Variants in RND2 observed in about 807,000 individuals in gnomAD.
RND2 encodes rho-related GTP-binding protein RhoN.
In RND2, 16 loss-of-function variants were observed where a neutral mutation model predicts 25.9. The ratio of observed to expected loss-of-function variants is 0.62; its 90% CI spans 0.42 to 0.94. The LOEUF (loss-of-function observed/expected upper bound fraction) is 0.94, where lower values mean the gene tolerates loss of function less well. Among genes scored for constraint, RND2 ranks in the 40% least tolerant of loss-of-function variants. The pLI is 0.00. For missense variants in RND2, 276 were observed against 305.5 expected, an observed-to-expected ratio of 0.90 and a Z score of 0.72; for synonymous variants, 97 against 118.1, an observed-to-expected ratio of 0.82 and a Z score of 1.16.
chr17:43,025,285 G>A lies in RND2; in HGVS notation c.-63G>A. 1 of 1,409,180 alleles carries A rather than the reference G, an allele frequency of 7.1e-7. No individual in the cohort carries two copies. Among genetic ancestry groups the A allele is most frequent in the African/African-American group, 1.5e-5 (1 of 67,334 alleles). 87.3% of individuals were successfully genotyped at this position (1,409,180 alleles called of 1,614,324 possible). ...CCCGAGCGGCTGCAGTTGCAGGGGC[G>A]GGGGAGGCGGCGGCGGGGCCCGGGA... On this transcript the variant is annotated 5_prime_UTR_variant, in exon 1 of 5. Coordinates refer to ENST00000587250, the MANE Select transcript of RND2 (RefSeq NM_005440.5).
In RND2 at chr17:43,028,278, C is replaced by T. The variant is rs1157462037; in HGVS notation, c.435+83C>T. The T allele has an allele frequency of 6.9e-6, 11 of 1,597,018 alleles. No homozygotes were observed. In the East Asian group the frequency reaches 2.2e-4, roughly 32 times the overall value. ...AGTCTCTGATTTGAAAACACCTTAC[C>T]TGGCTCATCCTTTGTTCTGGTCTGT... is the stretch of plus-strand genomic sequence containing the variant. On this transcript the variant is annotated intron_variant, in intron 4 of 4. Coordinates refer to ENST00000587250, the MANE Select transcript of RND2 (RefSeq NM_005440.5).
rs191559597 is a variant in RND2 at position 43,030,402 on chromosome 17, A to C, written c.*1722A>C. ...TAGCCCATTCCTCCCTCATTCATTCATTCAGCAAGTATGTACTGAACACCA... is the reference window on the plus strand; with the variant it reads ...TAGCCCATTCCTCCCTCATTCATTCCTTCAGCAAGTATGTACTGAACACCA... On this transcript the variant is annotated 3_prime_UTR_variant, in exon 5 of 5. Coordinates refer to ENST00000587250, the MANE Select transcript of RND2 (RefSeq NM_005440.5). 3.3e-4 allele frequency: 51 copies of C among 152,830 alleles called. No individual in the cohort carries two copies. Among genetic ancestry groups the C allele is most frequent in the African/African-American group, 9.4e-4 (39 of 41,544 alleles). The allele number at this position is 152,830 out of a possible 1,614,324, so 9.5% of individuals were successfully genotyped here.
In RND2 at chr17:43,028,056, C is replaced by A. The variant is rs746055832; in HGVS notation, c.301-5C>A. On this transcript the variant is annotated splice_polypyrimidine_tract_variant and splice_region_variant and intron_variant, in intron 3 of 4. Coordinates refer to ENST00000587250, the MANE Select transcript of RND2 (RefSeq NM_005440.5). ...TCCACAATTCTCTTTTCTTCTCCTACATAGTGGCAAGGAGAGACTCAAGAG... is the reference window on the plus strand; with the variant it reads ...TCCACAATTCTCTTTTCTTCTCCTAAATAGTGGCAAGGAGAGACTCAAGAG... The A allele has an allele frequency of 2.5e-6, 4 of 1,612,690 alleles. No homozygotes were observed. Among genetic ancestry groups the A allele is most frequent in the Non-Finnish European group, 3.4e-6 (4 of 1,179,366 alleles).
intron 2 of RND2, 64 bp from the exon 3 acceptor site, chr17:43,027,119 A>G: frequency 3.1e-6 from 3 of 979,830 alleles, no homozygotes; most frequent in Non-Finnish European, 4.6e-6. Flanking sequence ...AGGATCTGTA[A>G]GGTCTCCCAT....
chr17:43,028,398 A>G (rs537188353), intron 4 of RND2, 34 bp from the exon 5 acceptor site: 11 of 1,609,004 alleles, frequency 6.8e-6, no homozygotes, highest in East Asian at 4.5e-5. Flanking sequence ...GCTAAGACCT[A>G]TAACTTTCTC....
At chr17:43,027,476 G>A (rs1018942882) in intron 3 of RND2, among the ~76,000 whole-genome samples, 184 bp downstream of exon 3, 2 of 152,154 alleles carry the variant, frequency 1.3e-5, no homozygotes, top group Non-Finnish European at 2.9e-5. Flanking sequence ...CCCCTTTCCT[G>A]AAAGTCCTCA....
intron 1 of RND2, 67 bp downstream of exon 1, chr17:43,025,516 C>A: frequency 6.7e-7 from 1 of 1,501,826 alleles, no homozygotes; most frequent in Non-Finnish European, 8.9e-7. Context: ...GGGGCCCTGG[C>A]GACGGATGGG....
intron 3 of RND2, among the ~76,000 whole-genome samples, chr17:43,027,767 G>A (rs1252061312): frequency 6.6e-6 from 1 of 152,184 alleles, no homozygotes; most frequent in Non-Finnish European, 1.5e-5. Context: ...GAGAGAGTAT[G>A]GGAAAGGCGA....
At chr17:43,027,817 G>A (rs915603986) in intron 3 of RND2, among the ~76,000 whole-genome samples, 3 of 152,184 alleles carry the variant, frequency 2.0e-5, no homozygotes, top group African/African-American at 4.8e-5. Flanking sequence ...ACCCTTCATA[G>A]CCACTGAGGG....
Position 43,025,430 on chromosome 17 carries a change from C to T in RND2, c.83C>T (p.Ala28Val), listed in dbSNP as rs1229249577. The T allele has an allele frequency of 6.5e-7, 1 of 1,549,798 alleles. No homozygotes were observed. The highest frequency in any genetic ancestry group is 8.7e-7 in the Non-Finnish European group (1 of 1,146,766). ...AAGACGGCGCTGCTGCAGGTGTTCG[C>T]CAAGGACGCCTATCCCGGGGTGAGG... ...CGKTALLQVF[A>V]KDAYPGSYVP... Residue 28 changes from alanine (A) to valine (V), a missense_variant, in exon 1 of 5, where the codon GCC becomes GTC. By Grantham distance (64) the Ala-to-Val change is moderately conservative. Transcript: ENST00000587250.
In RND2 at chr17:43,027,198, A is replaced by AT. The variant is rs774081792; in HGVS notation, c.207dup (p.Asn70Ter). ...CTTCCTTCAGGTTCCTCTTACTATGATAATGTCCGGCCTCTGGCCTATCCT... is the reference window on the plus strand; with the variant it reads ...CTTCCTTCAGGTTCCTCTTACTATGATTAATGTCCGGCCTCTGGCCTATCCT... On this transcript the variant is annotated frameshift_variant, in exon 3 of 5. Transcript: ENST00000587250. LOFTEE classifies it high-confidence loss of function. 6.2e-7 allele frequency: 1 copy of AT among 1,606,016 alleles called. No individual in the cohort carries two copies. The highest frequency in any genetic ancestry group is 8.5e-7 in the Non-Finnish European group (1 of 1,175,798).
intron 1 of RND2, 152 bp downstream of exon 1, chr17:43,025,601 G>C: frequency 1.9e-6 from 2 of 1,052,302 alleles, no homozygotes; most frequent in Admixed American, 2.4e-5. Context: ...GCTCAGGAAG[G>C]ACTGCAGAGG....
At chr17:43,027,969 G>C in intron 3 of RND2, 92 bp from the exon 4 acceptor site, 1 of 1,439,600 alleles carries the variant, frequency 6.9e-7, no homozygotes, top group Non-Finnish European at 9.5e-7. Context: ...CTGCGTGCTT[G>C]AGGAAGAGAG....
chr17:43,025,825 G>T, intron 1 of RND2, 135 bp from the exon 2 acceptor site: 2 of 211,872 alleles, frequency 9.4e-6, no homozygotes, highest in East Asian at 1.0e-4. Flanking sequence ...GAGCTCCCGG[G>T]ATCTCCCCTT....
chr17:43,028,449 G>A lies in RND2; in HGVS notation c.453G>A (p.Lys151=), dbSNP rs758328790. The change falls in exon 5 of 5, where the codon AAG becomes AAA. Residue 151 remains lysine (K), a synonymous_variant. Coordinates refer to ENST00000587250, the MANE Select transcript of RND2 (RefSeq NM_005440.5). The stretch of plus-strand genomic sequence containing the variant: ...TTTTCCAGGGCACTGTGCTGGCCAA[G>A]CAGGTGGGGGCTGTGTCCTATGTTG... ...VTHEQGTVLA[K]QVGAVSYVEC... is the part of the protein sequence containing the mutation. 6.2e-7 allele frequency: 1 copy of A among 1,614,056 alleles called. No homozygotes were observed. The highest frequency in any genetic ancestry group is 1.7e-5 in the Admixed American group (1 of 60,030).
chr17:43,026,590 A>T (rs1208889092), intron 2 of RND2, among the ~76,000 whole-genome samples: 1 of 152,220 alleles, frequency 6.6e-6, no homozygotes, highest in Non-Finnish European at 1.5e-5. Context: ...CGGAGGCTGC[A>T]GTGAGCCGAG....
chr17:43,026,344 C>A (rs1490674143), intron 2 of RND2: 4 of 365,962 alleles, frequency 1.1e-5, no homozygotes, highest in Non-Finnish European at 1.5e-5. Context: ...AGAGATAAGA[C>A]TGGGTTTAGA....
rs946668899 is a variant in RND2, at chr17:43,031,131, T to A, written c.*2451T>A. On this transcript the variant is annotated 3_prime_UTR_variant, in exon 5 of 5. Transcript: ENST00000587250. The stretch of plus-strand genomic sequence containing the variant: ...GTGAGACCCTGTCTCTAAAAAAAAT[T>A]AAAAAATAAAAAATAAAAAATAGCT... The A allele has an allele frequency of 1.3e-5, 2 of 151,648 alleles. No homozygotes were observed. The highest frequency in any genetic ancestry group is 2.9e-5 in the Non-Finnish European group (2 of 67,890). The allele number at this position is 151,648 out of a possible 1,614,324, so 9.4% of individuals were successfully genotyped here. A position where few individuals can be genotyped will look rare whatever the true frequency, so the allele number is the denominator to read the frequency against.
intron 2 of RND2, among the ~76,000 whole-genome samples, 190 bp from the exon 3 acceptor site, chr17:43,026,993 T>C (rs183645126): frequency 6.6e-6 from 1 of 152,364 alleles, no homozygotes; most frequent in African/African-American, 2.4e-5. Flanking sequence ...TTTCCCACCA[T>C]GTGACCTCCC....
Sources: gnomAD v4.1 joint callset for allele counts (sites outside exome capture counted in the v4.1 genomes callset) on GRCh38, gnomAD v4.1.1 for gene constraint, MANE v1.5 for transcripts, NCBI Gene and HGNC (gene_info 2026-07-23, HGNC 2026-07-21) for gene names.